The following ANKRD33B variants were observed in gnomAD, a reference collection of about 807,000 sequenced individuals.
ANKRD33B encodes the protein ankyrin repeat domain-containing protein 33B.
In ANKRD33B, 6 loss-of-function variants were observed where a neutral mutation model predicts 21.5. That is an observed-to-expected ratio of 0.28 (90% CI 0.15 to 0.55). The LOEUF is 0.55. Ranked by LOEUF, ANKRD33B falls within the 20% of genes least tolerant of loss-of-function variation. The probability of loss-of-function intolerance (pLI) is 0.94; values close to 1 mark genes in which losing one functional copy is unlikely to be tolerated. For synonymous variants in ANKRD33B, 347 were observed against 342.4 expected, an observed-to-expected ratio of 1.01 and a Z score of -0.15; for missense variants, 698 against 747.2, an observed-to-expected ratio of 0.93 and a Z score of 0.77.
chr5:10,595,041 T>A (rs1051113994), intron 1 of ANKRD33B, among the ~76,000 whole-genome samples: 7 of 152,132 alleles, frequency 4.6e-5, no homozygotes, highest in African/African-American at 1.7e-4. Flanking sequence ...CAGGAGCAGA[T>A]GTTGTTAAGC....
Position 10,654,039 on chromosome 5 carries a change from C to A in ANKRD33B, c.*3926C>A, listed in dbSNP as rs1205386307. On this transcript the variant is annotated 3_prime_UTR_variant, in exon 4 of 4. Coordinates refer to ENST00000296657, the MANE Select transcript of ANKRD33B (RefSeq NM_001164440.2). Reference sequence around the variant, plus strand: ...AGCCTTTCCTTCCTTTGTCTGTTTTCTTCTCCCAGCTGGTTTAAGTTCTTG... The same window carrying A: ...AGCCTTTCCTTCCTTTGTCTGTTTTATTCTCCCAGCTGGTTTAAGTTCTTG... 3 of 152,616 alleles carry A rather than the reference C, an allele frequency of 2.0e-5. No individual in the cohort carries two copies. The East Asian group carries it at 5.7e-4, about 29-fold the overall frequency. 9.5% of individuals were successfully genotyped at this position (152,616 alleles called of 1,614,324 possible).
At chr5:10,577,998 C>T (rs1735362227) in intron 1 of ANKRD33B, among the ~76,000 whole-genome samples, 1 of 152,200 alleles carries the variant, frequency 6.6e-6, no homozygotes, top group African/African-American at 2.4e-5. Flanking sequence ...GAAGCTGGCA[C>T]AGCCTGTGAG....
chr5:10,622,662 T>G (rs185990251), intron 2 of ANKRD33B, among the ~76,000 whole-genome samples: 1 of 152,324 alleles, frequency 6.6e-6, no homozygotes, highest in East Asian at 1.9e-4. Flanking sequence ...TTAAATTGTT[T>G]CCTAGGCACT....
chr5:10,580,341 T>C (rs978656363), intron 1 of ANKRD33B, among the ~76,000 whole-genome samples: 1 of 152,222 alleles, frequency 6.6e-6, no homozygotes, highest in Non-Finnish European at 1.5e-5. Flanking sequence ...GACCTGTCGC[T>C]GCAGAGGTCC....
At chr5:10,592,450 TAAAAAAAA>T (rs35660672) in intron 1 of ANKRD33B, among the ~76,000 whole-genome samples, 1 of 69,114 alleles carries the variant, frequency 1.4e-5, no homozygotes, top group Non-Finnish European at 2.6e-5. Flanking sequence ...CCATCTCTAC[TAAAAAAAA>T]AAAAAAAAAA....
intron 1 of ANKRD33B, among the ~76,000 whole-genome samples, chr5:10,614,274 C>G (rs1381775686): frequency 1.3e-5 from 2 of 152,146 alleles, no homozygotes; most frequent in Non-Finnish European, 2.9e-5. Flanking sequence ...CTACTTTCCT[C>G]AAAGTCTGTT....
At position 10,564,629 on chromosome 5, in the gene ANKRD33B, G is replaced by C. The variant is rs1308018159; in HGVS notation, c.162G>C (p.Ser54=). The C allele has an allele frequency of 2.0e-6, 3 of 1,534,958 alleles. No homozygotes were observed. The African/African-American group carries it at 4.1e-5, about 21-fold the overall frequency. ...TGCCAGACACCCGCAGCATCGCCTC[G>C]GACGACTCTTTCTACCCTTTCGAGG... ...SSLPDTRSIA[S]DDSFYPFEDE... is the part of the protein sequence containing the mutation. Residue 54 remains serine, a synonymous_variant, in exon 1 of 4, where the codon TCG becomes TCC. Transcript: ENST00000296657.
At chr5:10,626,078 G>A (rs971531367) in intron 2 of ANKRD33B, among the ~76,000 whole-genome samples, 4 of 152,212 alleles carry the variant, frequency 2.6e-5, no homozygotes, top group East Asian at 3.9e-4. Context: ...GCTGGAACCC[G>A]AGAGGCAGCC....
chr5:10,584,185 T>G (rs59976751), intron 1 of ANKRD33B, among the ~76,000 whole-genome samples: 1 of 152,210 alleles, frequency 6.6e-6, no homozygotes, highest in East Asian at 1.9e-4. Flanking sequence ...GCTTTGATTT[T>G]CAAAGTGATT....
chr5:10,610,406 C>CA (rs1560972969), intron 1 of ANKRD33B, among the ~76,000 whole-genome samples: 2 of 151,844 alleles, frequency 1.3e-5, no homozygotes, highest in African/African-American at 4.9e-5. Flanking sequence ...GGACAGCCCC[C>CA]CCCCCGAATA....
chr5:10,642,904 CTTTGTTTTGT>C (rs983029009), intron 3 of ANKRD33B, among the ~76,000 whole-genome samples: 2 of 151,662 alleles, frequency 1.3e-5, no homozygotes, highest in African/African-American at 4.9e-5. Flanking sequence ...GTTTGTTTTG[CTTTGTTTTGT>C]TTTGTTTTGA....
At chr5:10,566,512 G>A (rs1735066045) in intron 1 of ANKRD33B, among the ~76,000 whole-genome samples, 1 of 152,250 alleles carries the variant, frequency 6.6e-6, no homozygotes, top group Non-Finnish European at 1.5e-5. Context: ...GTCCTGGGCA[G>A]CCTGGTGGTC....
At chr5:10,641,759 G>A (rs568061408) in intron 3 of ANKRD33B, among the ~76,000 whole-genome samples, 2 of 151,760 alleles carry the variant, frequency 1.3e-5, no homozygotes, top group Non-Finnish European at 2.9e-5. Context: ...TAAGTTCAGT[G>A]AATGAGAATA....
At chr5:10,607,392 C>T (rs966298021) in intron 1 of ANKRD33B, among the ~76,000 whole-genome samples, 5 of 152,192 alleles carry the variant, frequency 3.3e-5, no homozygotes, top group African/African-American at 7.2e-5. Context: ...GGTGGCACAT[C>T]GTCCACCGTC....
chr5:10,575,978 TAC>T (rs60058725), intron 1 of ANKRD33B, among the ~76,000 whole-genome samples: 87 of 149,828 alleles, frequency 5.8e-4, no homozygotes, highest in South Asian at 1.3e-3. Flanking sequence ...GATGGACGTA[TAC>T]ACACACACAC....
intron 2 of ANKRD33B, among the ~76,000 whole-genome samples, chr5:10,632,212 C>A (rs562680117): frequency 6.6e-6 from 1 of 151,980 alleles, no homozygotes; most frequent in Non-Finnish European, 1.5e-5. Flanking sequence ...GGGGGAAAGC[C>A]GAGGGACTTC....
chr5:10,635,795 C>G (rs960952383), intron 2 of ANKRD33B, among the ~76,000 whole-genome samples: 4 of 152,242 alleles, frequency 2.6e-5, no homozygotes, highest in Non-Finnish European at 4.4e-5. Context: ...AGTACTATCC[C>G]TCAGGGTGTG....
chr5:10,582,293 G>A (rs1046492610), intron 1 of ANKRD33B, among the ~76,000 whole-genome samples: 11 of 152,160 alleles, frequency 7.2e-5, no homozygotes, highest in African/African-American at 2.2e-4. Context: ...TGCAAAGTAC[G>A]GAGCTGGTCC....
chr5:10,612,570 C>T (rs1018641754), intron 1 of ANKRD33B, among the ~76,000 whole-genome samples: 2 of 152,260 alleles, frequency 1.3e-5, no homozygotes, highest in Non-Finnish European at 1.5e-5. Context: ...TTGAGTCAGT[C>T]TTCATTCACG....
Sources: allele counts gnomAD v4.1 joint callset (sites outside exome capture counted in the v4.1 genomes callset), GRCh38; gene constraint gnomAD v4.1.1; transcripts MANE v1.5; gene names NCBI Gene and HGNC (gene_info 2026-07-23, HGNC 2026-07-21).